The following SLC2A1 variants were observed in gnomAD, a reference collection of about 807,000 sequenced individuals.
SLC2A1 encodes solute carrier family 2 member 1.
A neutral mutation model predicts 46.6 loss-of-function variants in SLC2A1; 4 were observed. That is an observed-to-expected ratio of 0.09 (90% CI 0.04 to 0.20). The LOEUF (loss-of-function observed/expected upper bound fraction) is 0.20. SLC2A1 is among the 10% of genes least tolerant of loss of function. The pLI is 1.00. For missense variants in SLC2A1, 352 were observed against 667.0 expected (o/e 0.53, Z 5.20); for synonymous variants, 253 against 270.0 (o/e 0.94, Z 0.62).
In SLC2A1 at chr1:42,947,531, G is replaced by A. The variant is rs191263980; in HGVS notation, c.19-4210C>T. Among the ~76,000 whole-genome samples the A allele has an allele frequency of 2.8e-3, 407 of 145,834 alleles. 3 individuals carry two copies. The highest frequency in any genetic ancestry group is 9.8e-3 in the African/African-American group (378 of 38,608). ...GAGCTCAGGAGTTCAAGACCTGCCT[G>A]GGCAATATGGTGAAACCAGGTCTCT... On this transcript the variant is annotated intron_variant, in intron 1 of 9. Coordinates refer to ENST00000426263, the MANE Select transcript of SLC2A1 (RefSeq NM_006516.4).
intron 1 of SLC2A1, chr1:42,951,572 A>G: frequency 2.9e-6 from 1 of 344,144 alleles, no homozygotes; most frequent in Non-Finnish European, 5.2e-6. Flanking sequence ...ACACATGCAC[A>G]AAGAGAAGTC....
intron 1 of SLC2A1, among the ~76,000 whole-genome samples, chr1:42,957,947 G>A (rs1015816303): frequency 2.0e-5 from 3 of 152,156 alleles, no homozygotes; most frequent in African/African-American, 7.2e-5. Context: ...AAAGCTTTGG[G>A]GCCTGCACTC....
intron 2 of SLC2A1, among the ~76,000 whole-genome samples, chr1:42,935,637 C>A (rs1048880982): frequency 2.0e-5 from 3 of 152,220 alleles, no homozygotes; most frequent in Non-Finnish European, 4.4e-5. Flanking sequence ...GAACTACGGG[C>A]CTGCCTCAGG....
chr1:42,929,763 C>T lies in SLC2A1; in HGVS notation c.697G>A (p.Gly233Arg), dbSNP rs375853334. 1.4e-5 allele frequency: 22 copies of T among 1,614,026 alleles called. No homozygotes were observed. The highest frequency in any genetic ancestry group is 1.4e-5 in the Non-Finnish European group (17 of 1,180,032). Residue 233 changes from glycine to arginine, a missense_variant, in exon 6 of 10, where the codon GGG (glycine) becomes AGG (arginine). Gly to Arg is a moderately radical substitution (Grantham distance 125, BLOSUM62 -2). Around this residue, in one of 5 missense-constraint regions of SLC2A1, gnomAD observed 167 missense variants for 280.8 expected, o/e 0.59. Transcript: ENST00000426263. The surrounding 1 kb of genome is among the most constrained non-coding windows in gnomAD (Gnocchi z 6.0). ...AGGTCATGGGTCACGTCAGCTGTCC[C>T]GCGCAGCTTCTTTAGCACTGGGGGG... Reference protein sequence around the residue: ...RAKSVLKKLRGTADVTHDLQE... With the variant: ...RAKSVLKKLRRTADVTHDLQE...
chr1:42,958,832 C>A lies in SLC2A1; in HGVS notation c.-181G>T. On this transcript the variant is annotated 5_prime_UTR_variant, in exon 1 of 10. Coordinates refer to ENST00000426263, the MANE Select transcript of SLC2A1 (RefSeq NM_006516.4). ...TGCTCACTCGGGGACCCGCGACTAG[C>A]GACCGGCACGCTCGCTGTTGCTACC... 1 of 580,342 alleles carries A rather than the reference C, an allele frequency of 1.7e-6. No homozygotes were observed. Among genetic ancestry groups the A allele is most frequent in the Non-Finnish European group, 3.0e-6 (1 of 331,098 alleles). The allele number at this position is 580,342 out of a possible 1,614,324, so 35.9% of individuals were successfully genotyped here. A position where few individuals can be genotyped will look rare whatever the true frequency, so the allele number is the denominator to read the frequency against.
chr1:42,933,766 C>A (rs1643515669), intron 2 of SLC2A1, among the ~76,000 whole-genome samples: 1 of 151,714 alleles, frequency 6.6e-6, no homozygotes, highest in Admixed American at 6.6e-5. Flanking sequence ...TCCAATCTTT[C>A]CTGACCCATT....
At chr1:42,937,908 AC>A (rs1372925758) in intron 2 of SLC2A1, among the ~76,000 whole-genome samples, 1 of 152,026 alleles carries the variant, frequency 6.6e-6, no homozygotes, top group Non-Finnish European at 1.5e-5. Context: ...CAGCTCTTTC[AC>A]TCACCAAGCT....
At chr1:42,945,747 A>AAAAC (rs10683860) in intron 1 of SLC2A1, among the ~76,000 whole-genome samples, 53,865 of 137,890 alleles carry the variant, frequency 0.39, 11,540 homozygotes, top group African/African-American at 0.62. Context: ...TCAAAAAAAA[A>AAAAC]AAAAAACAAA....
intron 1 of SLC2A1, among the ~76,000 whole-genome samples, chr1:42,958,020 T>C (rs1346380140): frequency 1.3e-5 from 2 of 151,980 alleles, no homozygotes; most frequent in Non-Finnish European, 2.9e-5. Context: ...AGCCCGGGCC[T>C]GGAGAAAAGT....
At chr1:42,937,466 T>C (rs1257780003) in intron 2 of SLC2A1, among the ~76,000 whole-genome samples, 1 of 152,112 alleles carries the variant, frequency 6.6e-6, no homozygotes, top group Non-Finnish European at 1.5e-5. Flanking sequence ...TAGGTGGCAG[T>C]TGTAGGTGAG....
At chr1:42,931,380 C>T (rs1643488537) in intron 2 of SLC2A1, among the ~76,000 whole-genome samples, 174 bp from the exon 3 acceptor site, 1 of 152,162 alleles carries the variant, frequency 6.6e-6, no homozygotes, top group African/African-American at 2.4e-5. Flanking sequence ...TTTCCCCAGG[C>T]GAGAAACAAG....
At chr1:42,944,814 TG>T (rs1643634136) in intron 1 of SLC2A1, among the ~76,000 whole-genome samples, 1 of 152,178 alleles carries the variant, frequency 6.6e-6, no homozygotes, top group Non-Finnish European at 1.5e-5. Flanking sequence ...TTCCACATGC[TG>T]GGGCTTCCCT....
chr1:42,947,602 A>AC (rs1643672483), intron 1 of SLC2A1, among the ~76,000 whole-genome samples: 1 of 145,318 alleles, frequency 6.9e-6, no homozygotes, highest in East Asian at 2.0e-4. Context: ...AAAAAAAAAA[A>AC]AAAACAGCTG....
Position 42,929,259 on chromosome 1 carries a change from T to C in SLC2A1, c.923A>G (p.Tyr308Cys). The C allele has an allele frequency of 1.9e-6, 3 of 1,614,130 alleles. No individual in the cohort carries two copies. Among genetic ancestry groups the C allele is most frequent in the Non-Finnish European group, 2.5e-6 (3 of 1,180,002 alleles). The change falls in exon 7 of 10, where the codon TAT becomes TGT. Residue 308 changes from tyrosine to cysteine, a missense_variant. Physicochemically the swap from Tyr to Cys is radical, Grantham distance 194 (BLOSUM62 -2). Transcript: ENST00000426263. This position sits in a 1 kb window ranked among gnomAD's most constrained non-coding sequence, Gnocchi z 6.0. ...FEKAGVQQPV[Y>C]ATIGSGIVNT... ...GACGATACCGGAGCCAATGGTGGCA[T>C]ACACAGGCTGCTGCACCCCCGCCTT...
chr1:42,929,491 G>A lies in SLC2A1; in HGVS notation c.867+102C>T, dbSNP rs766060769. The A allele has an allele frequency of 2.2e-5, 28 of 1,271,028 alleles. No homozygotes were observed. The Middle Eastern group carries it at 5.6e-4, about 25-fold the overall frequency. 78.7% of individuals were successfully genotyped at this position (1,271,028 alleles called of 1,614,324 possible). A position where few individuals can be genotyped will look rare whatever the true frequency, so the allele number is the denominator to read the frequency against. The stretch of plus-strand genomic sequence containing the variant: ...TTGGGGTCTAAAGGGAAACTTCTTC[G>A]GCAGAGGCGTATCTGTTGTTTCAAG... On this transcript the variant is annotated intron_variant, in intron 6 of 9. Coordinates refer to ENST00000426263, the MANE Select transcript of SLC2A1 (RefSeq NM_006516.4). This position sits in a 1 kb window ranked among gnomAD's most constrained non-coding sequence, Gnocchi z 6.0.
chr1:42,958,676 G>A lies in SLC2A1; in HGVS notation c.-25C>T, dbSNP rs1259490464. 4 of 1,534,638 alleles carry A rather than the reference G, an allele frequency of 2.6e-6. No individual in the cohort carries two copies. Among genetic ancestry groups the A allele is most frequent in the Non-Finnish European group, 3.5e-6 (4 of 1,144,552 alleles). The stretch of plus-strand genomic sequence containing the variant: ...TGGCAGCGCTGCGCTGGTGGCTCTG[G>A]CTGCGCCGGGTACGCGGGTGGCGAC... On this transcript the variant is annotated 5_prime_UTR_variant, in exon 1 of 10. Coordinates refer to ENST00000426263, the MANE Select transcript of SLC2A1 (RefSeq NM_006516.4).
rs537337345 is a variant in SLC2A1 at position 42,949,394 on chromosome 1, T to C, written c.19-6073A>G. ...CTAGCATACAAACAAAAGCCAGGGT[T>C]GGGACTAGAGTTGTTTGGTTTCCTA... On this transcript the variant is annotated intron_variant, in intron 1 of 9. Transcript: ENST00000426263. Among the ~76,000 whole-genome samples the C allele has an allele frequency of 1.3e-5, 2 of 152,336 alleles. 1 individual carries two copies. The highest frequency in any genetic ancestry group is 4.8e-5 in the African/African-American group (2 of 41,574).
Position 42,927,382 on chromosome 1 carries a change from G to A in SLC2A1, c.1279-141C>T. The A allele has an allele frequency of 1.1e-6, 1 of 874,932 alleles. No homozygotes were observed. Among genetic ancestry groups the A allele is most frequent in the Non-Finnish European group, 1.9e-6 (1 of 532,186 alleles). 54.2% of individuals were successfully genotyped at this position (874,932 alleles called of 1,614,324 possible). On this transcript the variant is annotated intron_variant, in intron 9 of 9. Coordinates refer to ENST00000426263, the MANE Select transcript of SLC2A1 (RefSeq NM_006516.4). This position sits in a 1 kb window ranked among gnomAD's most constrained non-coding sequence, Gnocchi z 5.3. The stretch of plus-strand genomic sequence containing the variant: ...CCCAGGGATGCTATCATAATTAACT[G>A]AGACCACGCTTGTACCTAGAATGTA...
At position 42,958,724 on chromosome 1, in the gene SLC2A1, C is replaced by T; in HGVS notation, c.-73G>A. ...GACGGGCGTGCGAGCGGCGCTCTCC[C>T]GCTCAGGCTCGTGCTCCGGTCCGGG... On this transcript the variant is annotated 5_prime_UTR_variant, in exon 1 of 10. Transcript: ENST00000426263. 6.8e-7 allele frequency: 1 copy of T among 1,470,424 alleles called. No homozygotes were observed. The allele number at this position is 1,470,424 out of a possible 1,614,324, so 91.1% of individuals were successfully genotyped here. A position where few individuals can be genotyped will look rare whatever the true frequency, so the allele number is the denominator to read the frequency against.
Sources: allele counts gnomAD v4.1 joint callset (sites outside exome capture counted in the v4.1 genomes callset), GRCh38; gene constraint gnomAD v4.1.1; regional missense constraint gnomAD v4.1.1; non-coding constraint Gnocchi (gnomAD v3.1); transcripts MANE v1.5; gene names NCBI Gene and HGNC (gene_info 2026-07-23, HGNC 2026-07-21).